The following KIFAP3 variants were observed in gnomAD, a reference collection of about 807,000 sequenced individuals.
The protein encoded by KIFAP3 is kinesin associated protein 3.
Under a neutral mutation model 106.5 loss-of-function variants are expected in KIFAP3, and 68 were observed. That is an observed-to-expected ratio of 0.64 (90% CI 0.53 to 0.78). KIFAP3 has a LOEUF of 0.78. KIFAP3 is among the 30% of genes least tolerant of loss of function. The pLI is 0.00. For synonymous variants in KIFAP3, 320 were observed against 311.5 expected (o/e 1.03, Z -0.29); for missense variants, 780 against 941.8 (o/e 0.83, Z 2.25).
chr1:169,969,843 G>A (rs1665814333), intron 17 of KIFAP3, among the ~76,000 whole-genome samples: 1 of 151,836 alleles, frequency 6.6e-6, no homozygotes, highest in African/African-American at 2.4e-5. Flanking sequence ...GTGTTCTCTG[G>A]GGTCTAGATT....
At chr1:169,991,108 C>A (rs768227439) in intron 11 of KIFAP3, among the ~76,000 whole-genome samples, 7 of 151,796 alleles carry the variant, frequency 4.6e-5, no homozygotes, top group African/African-American at 1.7e-4. Context: ...GGAGGACAAG[C>A]GGGGGAAGAT....
intron 1 of KIFAP3, among the ~76,000 whole-genome samples, chr1:170,066,786 G>A (rs1377536154): frequency 6.6e-6 from 1 of 152,122 alleles, no homozygotes; most frequent in East Asian, 1.9e-4. Flanking sequence ...TGAAACAGAT[G>A]CAGATCGGTC....
intron 19 of KIFAP3, among the ~76,000 whole-genome samples, chr1:169,926,776 A>G (rs1326370709): frequency 6.6e-6 from 1 of 152,042 alleles, no homozygotes; most frequent in African/African-American, 2.4e-5. Context: ...TAGGAATTCT[A>G]TTCTTCCCAA....
At chr1:169,937,066 T>G (rs1663848488) in intron 19 of KIFAP3, among the ~76,000 whole-genome samples, 1 of 151,036 alleles carries the variant, frequency 6.6e-6, no homozygotes, top group African/African-American at 2.4e-5. Flanking sequence ...ATTACTTTTA[T>G]AAGCCTGATA....
At chr1:170,022,168 C>T (rs987066898) in intron 9 of KIFAP3, among the ~76,000 whole-genome samples, 15 of 151,722 alleles carry the variant, frequency 9.9e-5, no homozygotes, top group African/African-American at 3.1e-4. Flanking sequence ...AGGCTGGTCT[C>T]GAACTCCTGA....
chr1:169,966,595 T>G (rs1344584682), intron 17 of KIFAP3, among the ~76,000 whole-genome samples: 1 of 151,824 alleles, frequency 6.6e-6, no homozygotes, highest in African/African-American at 2.4e-5. Flanking sequence ...AAAGTAATAT[T>G]TTCATTGTTG....
chr1:169,925,437 A>C (rs1402876715), intron 19 of KIFAP3, among the ~76,000 whole-genome samples: 3 of 152,018 alleles, frequency 2.0e-5, no homozygotes, highest in African/African-American at 7.2e-5. Context: ...AAATTCTTTA[A>C]AAGAGAAAAA....
At chr1:170,001,695 A>C (rs629421) in intron 10 of KIFAP3, among the ~76,000 whole-genome samples, 142,558 of 152,142 alleles carry the variant, frequency 0.94, 66,873 homozygotes, top group East Asian at 1. Context: ...AATAAACAGA[A>C]CAACCAAACC....
At chr1:170,068,994 A>G (rs545066425) in intron 1 of KIFAP3, 53 of 152,228 alleles carry the variant, frequency 3.5e-4, no homozygotes, top group African/African-American at 1.3e-3. Flanking sequence ...TAGACTGACT[A>G]AAAAAGAAAA....
chr1:170,032,896 TTAAAA>T (rs1162998169), intron 7 of KIFAP3, among the ~76,000 whole-genome samples: 24 of 151,866 alleles, frequency 1.6e-4, no homozygotes, highest in African/African-American at 5.8e-4. Flanking sequence ...ATAGTGAATC[TTAAAA>T]TTAATGGTGT....
At chr1:169,937,992 T>C (rs1217229707) in intron 19 of KIFAP3, among the ~76,000 whole-genome samples, 3 of 151,914 alleles carry the variant, frequency 2.0e-5, no homozygotes, top group Non-Finnish European at 2.9e-5. Context: ...CTATTATTAA[T>C]GAGATATTGA....
intron 1 of KIFAP3, among the ~76,000 whole-genome samples, chr1:170,059,469 G>T (rs1164724041): frequency 4.6e-5 from 7 of 151,996 alleles, no homozygotes; most frequent in Admixed American, 1.3e-4. Context: ...CAGGAAGAAG[G>T]TGAATCCCTG....
intron 18 of KIFAP3, among the ~76,000 whole-genome samples, chr1:169,959,057 C>T (rs923565844): frequency 6.6e-6 from 1 of 152,138 alleles, no homozygotes; most frequent in Admixed American, 6.5e-5. Flanking sequence ...CAGGGAATTA[C>T]GAGCCTCTCA....
rs778551105 is a variant in KIFAP3, at chr1:169,984,651, C to G, written c.1324G>C (p.Asp442His). 6 of 1,608,276 alleles carry G rather than the reference C, an allele frequency of 3.7e-6. No homozygotes were observed. The highest frequency in any genetic ancestry group is 5.1e-6 in the Non-Finnish European group (6 of 1,176,040). The change falls in exon 12 of 20, where the codon GAC becomes CAC. Residue 442 changes from aspartate (D) to histidine (H), a missense_variant. By Grantham distance (81) the Asp-to-His change is moderately conservative. Around this residue, in one of 3 missense-constraint regions of KIFAP3, gnomAD observed 588 missense variants for 678.9 expected, o/e 0.87. Transcript: ENST00000361580. Reference sequence around the variant, plus strand: ...ATGCAGAAAGAAATGAGTTCCAAGTCAATTCGTTCATCTGAACATTCAAAC... The same window carrying G: ...ATGCAGAAAGAAATGAGTTCCAAGTGAATTCGTTCATCTGAACATTCAAAC... ...MLFECSDERIDLELISFCINL... is the reference protein window; with the variant it reads ...MLFECSDERIHLELISFCINL...
intron 19 of KIFAP3, among the ~76,000 whole-genome samples, chr1:169,932,095 C>T (rs541828715): frequency 1.2e-4 from 19 of 152,230 alleles, no homozygotes; most frequent in Admixed American, 3.9e-4. Flanking sequence ...AAACTAAATG[C>T]TATGATACTT....
intron 19 of KIFAP3, among the ~76,000 whole-genome samples, chr1:169,941,621 A>T (rs1664121409): frequency 6.6e-6 from 1 of 152,082 alleles, no homozygotes; most frequent in Non-Finnish European, 1.5e-5. Flanking sequence ...ATAAAATTTC[A>T]TATTTCCATA....
intron 17 of KIFAP3, among the ~76,000 whole-genome samples, chr1:169,971,789 G>C (rs1257869459): frequency 6.6e-6 from 1 of 151,962 alleles, no homozygotes; most frequent in African/African-American, 2.4e-5. Flanking sequence ...CTAAAGGTGA[G>C]CCAAATCCAG....
At chr1:170,041,546 G>A (rs1332196134) in intron 3 of KIFAP3, 7 of 614,758 alleles carry the variant, frequency 1.1e-5, no homozygotes, top group South Asian at 4.1e-5. Context: ...GATACCCCTC[G>A]TAGGCATCTG....
chr1:169,967,403 C>A (rs376448498), intron 17 of KIFAP3, among the ~76,000 whole-genome samples: 1 of 151,652 alleles, frequency 6.6e-6, no homozygotes, highest in Non-Finnish European at 1.5e-5. Context: ...TCTCTATGTG[C>A]TCTGGGAATC....
Sources: allele counts gnomAD v4.1 joint callset (sites outside exome capture counted in the v4.1 genomes callset), GRCh38; gene constraint gnomAD v4.1.1; regional missense constraint gnomAD v4.1.1; transcripts MANE v1.5; gene names NCBI Gene and HGNC (gene_info 2026-07-23, HGNC 2026-07-21).